The following CCDC6 variants were observed in gnomAD, a reference collection of about 807,000 sequenced individuals.
CCDC6 encodes the protein coiled-coil domain containing 6, also known as coiled-coil domain-containing protein 6.
In CCDC6, 20 loss-of-function variants were observed where a neutral mutation model predicts 56.6. That is an observed-to-expected ratio of 0.35 (90% CI 0.25 to 0.51). The LOEUF (loss-of-function observed/expected upper bound fraction) is 0.51, where lower values mean the gene tolerates loss of function less well. CCDC6 is among the 20% of genes least tolerant of loss of function. The pLI is 0.95. For missense variants in CCDC6, 367 were observed against 601.1 expected (o/e 0.61, Z 4.07); for synonymous variants, 241 against 234.4 (o/e 1.03, Z -0.26).
At position 59,849,485 on chromosome 10, in the gene CCDC6, T is replaced by C. The variant is rs548364212; in HGVS notation, c.453+3068A>G. On this transcript the variant is annotated intron_variant, in intron 2 of 8. Transcript: ENST00000263102. The stretch of plus-strand genomic sequence containing the variant: ...AGGTATTGGATACCCAACTTGGCCA[T>C]AGCAGACAGGAAGGGACACGTCTCT... Among the ~76,000 whole-genome samples, 12 of 152,284 alleles carry C rather than the reference T, an allele frequency of 7.9e-5. No individual in the cohort carries two copies. In the South Asian group the frequency reaches 2.3e-3, roughly 29 times the overall value.
intron 1 of CCDC6, among the ~76,000 whole-genome samples, chr10:59,863,352 C>T (rs990493972): frequency 3.9e-5 from 6 of 152,266 alleles, no homozygotes; most frequent in East Asian, 3.9e-4. Flanking sequence ...TGTTAAACAA[C>T]GTTATAAATA....
intron 3 of CCDC6, among the ~76,000 whole-genome samples, chr10:59,830,771 G>A (rs763730689): frequency 1.9e-4 from 29 of 152,292 alleles, no homozygotes; most frequent in Non-Finnish European, 4.1e-4. Context: ...GGAACAATAG[G>A]ATGAGACTGC....
At chr10:59,846,697 G>A (rs989288034) in intron 2 of CCDC6, among the ~76,000 whole-genome samples, 24 of 152,178 alleles carry the variant, frequency 1.6e-4, no homozygotes, top group South Asian at 1.2e-3. Flanking sequence ...TGAAAGTACC[G>A]TACTACAAAT....
intron 1 of CCDC6, among the ~76,000 whole-genome samples, chr10:59,863,934 C>T (rs775743429): frequency 6.6e-5 from 10 of 152,104 alleles, no homozygotes; most frequent in South Asian, 4.1e-4. Context: ...GCTAGCCCAT[C>T]GTTCAAATAT....
intron 7 of CCDC6, among the ~76,000 whole-genome samples, chr10:59,798,587 G>C (rs1258447659): frequency 6.6e-6 from 1 of 152,100 alleles, no homozygotes; most frequent in Non-Finnish European, 1.5e-5. Context: ...GGAATCACAA[G>C]AACTTTACTC....
At chr10:59,837,473 A>G (rs6479655) in intron 2 of CCDC6, among the ~76,000 whole-genome samples, 79,828 of 151,626 alleles carry the variant, frequency 0.53, 22,977 homozygotes, top group African/African-American at 0.78. Flanking sequence ...GGCCAGGCGC[A>G]GTGGCTCAAG....
intron 1 of CCDC6, among the ~76,000 whole-genome samples, chr10:59,877,503 C>G (rs1223970647): frequency 1.3e-5 from 2 of 152,034 alleles, no homozygotes; most frequent in Non-Finnish European, 2.9e-5. Flanking sequence ...GAAAACATTT[C>G]TATAAAAAAA....
intron 1 of CCDC6, among the ~76,000 whole-genome samples, chr10:59,862,934 T>G (rs2071147053): frequency 6.6e-6 from 1 of 152,158 alleles, no homozygotes; most frequent in African/African-American, 2.4e-5. Context: ...TTGTAACATA[T>G]TCATTGTGTT....
intron 1 of CCDC6, among the ~76,000 whole-genome samples, chr10:59,891,522 T>A (rs142953687): frequency 6.6e-6 from 1 of 152,250 alleles, no homozygotes; most frequent in African/African-American, 2.4e-5. Flanking sequence ...CCTTTACACA[T>A]CACTGTCAGG....
At chr10:59,861,878 T>C (rs140706583) in intron 1 of CCDC6, among the ~76,000 whole-genome samples, 87 of 152,336 alleles carry the variant, frequency 5.7e-4, no homozygotes, top group African/African-American at 1.8e-3. Flanking sequence ...CCAGTTACAC[T>C]GGTAAGACAG....
chr10:59,883,968 T>A (rs918772313), intron 1 of CCDC6, among the ~76,000 whole-genome samples: 37 of 152,354 alleles, frequency 2.4e-4, no homozygotes, highest in Admixed American at 1.6e-3. Flanking sequence ...CACCTTCTTA[T>A]GTGACTTGAG....
chr10:59,881,148 A>G (rs951644023), intron 1 of CCDC6, among the ~76,000 whole-genome samples: 1 of 152,128 alleles, frequency 6.6e-6, no homozygotes, highest in African/African-American at 2.4e-5. Context: ...AGCCATCTTC[A>G]ACCAATATCT....
At chr10:59,883,834 A>G (rs913470574) in intron 1 of CCDC6, among the ~76,000 whole-genome samples, 2 of 152,226 alleles carry the variant, frequency 1.3e-5, no homozygotes, top group African/African-American at 4.8e-5. Flanking sequence ...GAAACTCTGT[A>G]TGCAGTATAA....
intron 1 of CCDC6, 87 bp downstream of exon 1, chr10:59,906,035 A>C: frequency 1.7e-6 from 2 of 1,148,274 alleles, no homozygotes; most frequent in Non-Finnish European, 2.5e-6. Context: ...AATCTGGGGA[A>C]GACTTGGGGG....
intron 3 of CCDC6, among the ~76,000 whole-genome samples, chr10:59,831,326 AT>A (rs1172252822): frequency 3.3e-5 from 5 of 152,226 alleles, no homozygotes; most frequent in Admixed American, 6.5e-5. Context: ...ACCTAGTACC[AT>A]TCCCTGCTTT....
chr10:59,848,211 A>G (rs917493478), intron 2 of CCDC6, among the ~76,000 whole-genome samples: 3 of 152,076 alleles, frequency 2.0e-5, no homozygotes, highest in African/African-American at 7.2e-5. Flanking sequence ...TGGGTAAGTA[A>G]TTTTCTTACT....
chr10:59,794,256 TA>T (rs1489826250), intron 8 of CCDC6, among the ~76,000 whole-genome samples: 2 of 152,214 alleles, frequency 1.3e-5, no homozygotes, highest in Non-Finnish European at 2.9e-5. Context: ...TAATTTTTCA[TA>T]GGAAGTGAAG....
At chr10:59,882,596 G>A (rs1342234062) in intron 1 of CCDC6, among the ~76,000 whole-genome samples, 2 of 42,320 alleles carry the variant, frequency 4.7e-5, no homozygotes, top group East Asian at 1.4e-3. Flanking sequence ...GCCGCGGGGA[G>A]AAGGAAAGGA....
At chr10:59,882,746 G>A (rs535117618) in intron 1 of CCDC6, among the ~76,000 whole-genome samples, 104 of 151,084 alleles carry the variant, frequency 6.9e-4, no homozygotes, top group Non-Finnish European at 1.4e-3. Context: ...GGATTATGAG[G>A]TTAGGAGATC....
Sources: allele counts gnomAD v4.1 joint callset (sites outside exome capture counted in the v4.1 genomes callset), GRCh38; gene constraint gnomAD v4.1.1; transcripts MANE v1.5; gene names NCBI Gene and HGNC (gene_info 2026-07-23, HGNC 2026-07-21).